The following NCKAP5 variants were observed in gnomAD, a reference collection of about 807,000 sequenced individuals.
NCKAP5 encodes nck-associated protein 5.
In NCKAP5, 92 loss-of-function variants were observed where a neutral mutation model predicts 167.0. The observed-to-expected ratio is 0.55, with a 90% CI of 0.47 to 0.66. NCKAP5 has a LOEUF of 0.66. Among genes scored for constraint, NCKAP5 ranks in the 30% least tolerant of loss-of-function variants. The probability of loss-of-function intolerance (pLI) is 0.00; values close to 1 mark genes in which losing one functional copy is unlikely to be tolerated. For missense variants in NCKAP5, 2,378 were observed against 2,315.0 expected (o/e 1.03, Z -0.56); for synonymous variants, 891 against 877.4 (o/e 1.02, Z -0.27).
intron 19 of NCKAP5, among the ~76,000 whole-genome samples, chr2:132,685,234 A>G (rs944774365): frequency 6.6e-6 from 1 of 152,222 alleles, no homozygotes; most frequent in Non-Finnish European, 1.5e-5. Flanking sequence ...AGCCTATCAA[A>G]CGCTCAAGAT....
chr2:133,266,900 G>A (rs2150394092), intron 4 of NCKAP5, among the ~76,000 whole-genome samples: 1 of 152,290 alleles, frequency 6.6e-6, no homozygotes, highest in Non-Finnish European at 1.5e-5. Context: ...CTTGCGCTCT[G>A]ATGAGGAGGC....
rs144780360 is a variant in NCKAP5 at position 133,182,300 on chromosome 2, T to C, written c.207+31416A>G. Among the ~76,000 whole-genome samples, 764 of 152,238 alleles carry C rather than the reference T, an allele frequency of 5.0e-3. 3 individuals are homozygous for C. The highest frequency in any genetic ancestry group is 8.2e-3 in the Non-Finnish European group (560 of 67,988). ...CTACCCAATGTAATTAATACAAAAGTACATAAAATACACTAAAGAAATTCA... is the reference window on the plus strand; with the variant it reads ...CTACCCAATGTAATTAATACAAAAGCACATAAAATACACTAAAGAAATTCA... On this transcript the variant is annotated intron_variant, in intron 5 of 19. Transcript: ENST00000409261.
chr2:133,617,252 A>C, the NCKAP5 span, among the ~76,000 whole-genome samples: 3 of 152,214 alleles, frequency 2.0e-5, no homozygotes, highest in East Asian at 5.8e-4. Flanking sequence ...CAAGACAGGG[A>C]TGCCCTCTCT....
chr2:132,821,465 G>A (rs1419928764), intron 11 of NCKAP5, among the ~76,000 whole-genome samples: 1 of 152,224 alleles, frequency 6.6e-6, no homozygotes, highest in Non-Finnish European at 1.5e-5. Flanking sequence ...AGGAATTGTG[G>A]AGGGGTTGCT....
chr2:132,754,661 T>C (rs1452454937), intron 16 of NCKAP5, among the ~76,000 whole-genome samples: 2 of 152,232 alleles, frequency 1.3e-5, no homozygotes, highest in African/African-American at 2.4e-5. Flanking sequence ...AAATTATTTG[T>C]CTTTGCCAGC....
intron 2 of NCKAP5, chr2:133,527,036 T>C (rs1482191673): frequency 6.6e-6 from 1 of 151,928 alleles, no homozygotes; most frequent in Non-Finnish European, 1.5e-5. Context: ...TTATAGACCA[T>C]GCTACTAAAT....
At chr2:133,451,784 G>C (rs1310735719) in intron 3 of NCKAP5, among the ~76,000 whole-genome samples, 3 of 152,102 alleles carry the variant, frequency 2.0e-5, no homozygotes, top group Non-Finnish European at 4.4e-5. Context: ...TCTCTTTCTG[G>C]GCTAAGCCAT....
In NCKAP5 at chr2:133,322,699, G is replaced by C. The variant is rs551613984; in HGVS notation, c.70-19589C>G. Among the ~76,000 whole-genome samples the C allele has an allele frequency of 7.9e-5, 12 of 152,320 alleles. No homozygotes were observed. In the South Asian group the frequency reaches 2.5e-3, roughly 32 times the overall value. On this transcript the variant is annotated intron_variant, in intron 3 of 19. Coordinates refer to ENST00000409261, the MANE Select transcript of NCKAP5 (RefSeq NM_207363.3). ...TTTGAGAATCTATCCTGGGGGATGA[G>C]ACCCTAGGACACATAGAAGCTATGT...
intron 16 of NCKAP5, among the ~76,000 whole-genome samples, chr2:132,734,499 T>C (rs1691319959): frequency 6.6e-6 from 1 of 152,180 alleles, no homozygotes; most frequent in African/African-American, 2.4e-5. Flanking sequence ...CCAGGCTGCC[T>C]GCCCTAATAA....
chr2:133,136,847 A>G (rs2082804529), intron 5 of NCKAP5, among the ~76,000 whole-genome samples: 1 of 152,214 alleles, frequency 6.6e-6, no homozygotes, highest in African/African-American at 2.4e-5. Flanking sequence ...ATCTCCACGT[A>G]TTCATCAACC....
At chr2:133,414,263 T>C (rs1559465749) in intron 3 of NCKAP5, among the ~76,000 whole-genome samples, 1 of 152,240 alleles carries the variant, frequency 6.6e-6, no homozygotes, top group South Asian at 2.1e-4. Context: ...AAGGTTTAAC[T>C]GGAACTCTCC....
chr2:133,289,100 A>G (rs1679374683), intron 4 of NCKAP5, among the ~76,000 whole-genome samples: 1 of 152,142 alleles, frequency 6.6e-6, no homozygotes, highest in South Asian at 2.1e-4. Context: ...TTTAAAACTT[A>G]GCAATGGTAT....
chr2:133,551,254 A>G (rs1449053663), intron 2 of NCKAP5, among the ~76,000 whole-genome samples: 1 of 151,594 alleles, frequency 6.6e-6, no homozygotes, highest in Admixed American at 6.6e-5. Flanking sequence ...TTTAAAGTTC[A>G]TATGGAACCA....
chr2:133,391,339 C>A, intron 3 of NCKAP5: 1 of 159,922 alleles, frequency 6.3e-6, no homozygotes. Context: ...GCCAGATCAG[C>A]CGAATCAACC....
intron 6 of NCKAP5, among the ~76,000 whole-genome samples, chr2:133,011,517 G>T (rs545930927): frequency 1.1e-3 from 163 of 152,340 alleles, no homozygotes; most frequent in Non-Finnish European, 1.8e-3. Flanking sequence ...TCTATATCTT[G>T]TTAGGCTATA....
chr2:132,704,787 G>A (rs1258590902), intron 19 of NCKAP5, among the ~76,000 whole-genome samples: 1 of 152,110 alleles, frequency 6.6e-6, no homozygotes, highest in Non-Finnish European at 1.5e-5. Context: ...AAACCTAACT[G>A]TGTGAAGTCT....
At chr2:133,289,488 T>G (rs1679406203) in intron 4 of NCKAP5, among the ~76,000 whole-genome samples, 1 of 152,120 alleles carries the variant, frequency 6.6e-6, no homozygotes, top group African/African-American at 2.4e-5. Flanking sequence ...ATGTCTGTAA[T>G]CCTAGCACTT....
At chr2:132,707,610 A>G (rs1688485942) in intron 19 of NCKAP5, among the ~76,000 whole-genome samples, 1 of 152,188 alleles carries the variant, frequency 6.6e-6, no homozygotes, top group African/African-American at 2.4e-5. Flanking sequence ...TTTGTTAGGT[A>G]TCTCCTGTGT....
chr2:132,983,561 C>T (rs12478704), intron 7 of NCKAP5, among the ~76,000 whole-genome samples: 15,889 of 152,200 alleles, frequency 0.1, 1,075 homozygotes, highest in South Asian at 0.19. Flanking sequence ...TATTGAGATA[C>T]TCATTTAAAA....
Sources: allele counts gnomAD v4.1 joint callset (sites outside exome capture counted in the v4.1 genomes callset), GRCh38; gene constraint gnomAD v4.1.1; transcripts MANE v1.5; gene names NCBI Gene and HGNC (gene_info 2026-07-23, HGNC 2026-07-21).